The following BAIAP2L2 variants were observed in gnomAD, a reference collection of about 807,000 sequenced individuals.
BAIAP2L2 encodes BAR/IMD domain containing adaptor protein 2 like 2.
A neutral mutation model predicts 60.4 loss-of-function variants in BAIAP2L2; 65 were observed. The observed-to-expected ratio is 1.08, with a 90% CI of 0.88 to 1.32. BAIAP2L2 has a LOEUF of 1.32. BAIAP2L2 is among the 40% of genes most tolerant of loss of function. The pLI is 0.00. For missense variants in BAIAP2L2, 836 were observed against 741.2 expected, an observed-to-expected ratio of 1.13 and a Z score of -1.48; for synonymous variants, 344 against 301.7, an observed-to-expected ratio of 1.14 and a Z score of -1.45.
At chr22:38,087,062 G>A (rs1393269642) in intron 11 of BAIAP2L2, 62 bp downstream of exon 11, 16 of 1,456,022 alleles carry the variant, frequency 1.1e-5, no homozygotes, top group South Asian at 5.6e-5. Flanking sequence ...GATCCTCTCC[G>A]CTGGGCAGTG....
intron 8 of BAIAP2L2, 28 bp downstream of exon 8, chr22:38,089,494 A>G (rs2086225566): frequency 8.5e-7 from 1 of 1,173,108 alleles, no homozygotes; most frequent in Non-Finnish European, 1.1e-6. Context: ...GGGGGCGCGA[A>G]CGGCGGCGGG....
chr22:38,105,079 A>T (rs2086636900), intron 4 of BAIAP2L2, among the ~76,000 whole-genome samples: 1 of 152,186 alleles, frequency 6.6e-6, no homozygotes, highest in South Asian at 2.1e-4. Flanking sequence ...TTACAATAAC[A>T]AACATTTTTT....
rs748895905 is a variant in BAIAP2L2 at position 38,096,137 on chromosome 22, A to G, written c.612+895T>C. On this transcript the variant is annotated intron_variant, in intron 7 of 13. Transcript: ENST00000381669. ...CAAAGAGAAGAGAAAATAGAGCAGT[A>G]TTAATATCAGACAAGGCGGAATTAA... 2.0e-5 allele frequency among the ~76,000 whole-genome samples: 3 copies of G among 152,252 alleles called. No individual in the cohort carries two copies. The South Asian group carries it at 6.2e-4, about 32-fold the overall frequency.
chr22:38,098,024 C>T, intron 6 of BAIAP2L2, 39 bp downstream of exon 6: 4 of 970,792 alleles, frequency 4.1e-6, no homozygotes, highest in South Asian at 1.3e-5. Context: ...TCTGCCCACC[C>T]GCCCTTCCTG....
chr22:38,098,706 C>G (rs1186274088), intron 4 of BAIAP2L2, among the ~76,000 whole-genome samples: 1 of 152,138 alleles, frequency 6.6e-6, no homozygotes, highest in African/African-American at 2.4e-5. Context: ...GGAAACGAAC[C>G]CTTGATAAGT....
At chr22:38,092,480 T>C (rs1028476260) in intron 7 of BAIAP2L2, among the ~76,000 whole-genome samples, 1 of 152,144 alleles carries the variant, frequency 6.6e-6, no homozygotes, top group African/African-American at 2.4e-5. Flanking sequence ...TTTCACCATG[T>C]TGGCCAGGCT....
intron 6 of BAIAP2L2, 22 bp downstream of exon 6, chr22:38,098,041 C>A: frequency 6.5e-7 from 1 of 1,537,304 alleles, no homozygotes. Flanking sequence ...CCTGGCCCAC[C>A]CCCGCTTCCC....
chr22:38,107,911 C>A lies in BAIAP2L2; in HGVS notation c.217G>T (p.Glu73Ter), dbSNP rs1161857867. The change falls in exon 4 of 14, where the codon GAG becomes TAG. Residue 73 changes from glutamate to a stop codon, truncating the protein, a stop_gained and splice_region_variant. Transcript: ENST00000381669. LOFTEE classifies it high-confidence loss of function. ...LQSPTSQILG[E>*]ILVQMSDTQR... ...GTGTCAGACATCTGCACCAAGATCT[C>A]CCCTGGAGGCATGGATGCAGCTGTG... 3 of 1,613,338 alleles carry A rather than the reference C, an allele frequency of 1.9e-6. No individual in the cohort carries two copies. Among genetic ancestry groups the A allele is most frequent in the Admixed American group, 1.7e-5 (1 of 60,008 alleles).
chr22:38,098,784 T>C (rs1027095501), intron 4 of BAIAP2L2, among the ~76,000 whole-genome samples: 6 of 152,218 alleles, frequency 3.9e-5, no homozygotes, highest in Non-Finnish European at 7.3e-5. Context: ...CATCATTCCC[T>C]CTGCCTGGAA....
intron 6 of BAIAP2L2, among the ~76,000 whole-genome samples, chr22:38,097,476 G>T (rs1442000421): frequency 6.6e-6 from 1 of 152,258 alleles, no homozygotes; most frequent in African/African-American, 2.4e-5. Context: ...GGGGGGGCAG[G>T]GGGACGGGTT....
At chr22:38,108,128 C>G (rs2086704937) in intron 3 of BAIAP2L2, 127 bp downstream of exon 3, 1 of 1,042,462 alleles carries the variant, frequency 9.6e-7, no homozygotes, top group African/African-American at 1.6e-5. Context: ...GCCTGGGCCC[C>G]AGAACAAGAG....
chr22:38,103,008 T>C (rs2086596887), intron 4 of BAIAP2L2, among the ~76,000 whole-genome samples: 1 of 149,818 alleles, frequency 6.7e-6, no homozygotes, highest in African/African-American at 2.5e-5. Context: ...ATCACACCAC[T>C]GCACTCCAGC....
At chr22:38,095,677 A>C (rs1188567856) in intron 7 of BAIAP2L2, among the ~76,000 whole-genome samples, 3 of 152,076 alleles carry the variant, frequency 2.0e-5, no homozygotes, top group African/African-American at 7.2e-5. Flanking sequence ...ATTTTTGTGG[A>C]AAGCTTTAAA....
intron 4 of BAIAP2L2, among the ~76,000 whole-genome samples, chr22:38,101,237 A>G (rs2086558892): frequency 6.6e-6 from 1 of 152,006 alleles, no homozygotes; most frequent in African/African-American, 2.4e-5. Flanking sequence ...CAGCAAAATA[A>G]AAAACTTAAG....
At chr22:38,097,304 C>A (rs1340440927) in intron 6 of BAIAP2L2, 126 bp from the exon 7 acceptor site, 21 of 1,041,284 alleles carry the variant, frequency 2.0e-5, no homozygotes, top group Non-Finnish European at 2.8e-5. Context: ...GCCCACCCCC[C>A]ATCACCCGGC....
upstream of BAIAP2L2, chr22:38,110,751 A>AGGCATCCT (rs1569235334): frequency 1.9e-6 from 1 of 537,020 alleles, no homozygotes; most frequent in Admixed American, 3.5e-5. Flanking sequence ...CCGGCAGGGA[A>AGGCATCCT]GGCATCCTGT....
At chr22:38,098,016 T>TACAG in intron 6 of BAIAP2L2, 47 bp downstream of exon 6, 4 of 789,082 alleles carry the variant, frequency 5.1e-6, no homozygotes, top group Non-Finnish European at 8.2e-6. Flanking sequence ...CCCCGAGGTC[T>TACAG]GCCCACCCGC....
At chr22:38,100,186 G>T (rs1021109558) in intron 4 of BAIAP2L2, among the ~76,000 whole-genome samples, 17 of 152,072 alleles carry the variant, frequency 1.1e-4, no homozygotes, top group Admixed American at 1.1e-3. Context: ...GCCGCTTTCC[G>T]CTGGATCCAA....
Position 38,088,878 on chromosome 22 carries a change from G to C in BAIAP2L2, c.988C>G (p.Arg330Gly). ...PGGGGGARRV[R>G]ALVSHSEGAN... ...CCCTCCGAGTGGGAGACCAGGGCGC[G>C]GACTCTCCTGGCGCCCCCGCCGCCG... Residue 330 changes from arginine to glycine, a missense_variant, in exon 10 of 14, where the codon CGC becomes GGC. By Grantham distance (125) the Arg-to-Gly change is moderately radical. Coordinates refer to ENST00000381669, the MANE Select transcript of BAIAP2L2 (RefSeq NM_025045.6). The C allele has an allele frequency of 1.9e-6, 3 of 1,587,872 alleles. No individual in the cohort carries two copies. The highest frequency in any genetic ancestry group is 1.3e-5 in the African/African-American group (1 of 74,798).
Sources: allele counts gnomAD v4.1 joint callset (sites outside exome capture counted in the v4.1 genomes callset), GRCh38; gene constraint gnomAD v4.1.1; transcripts MANE v1.5; gene names NCBI Gene and HGNC (gene_info 2026-07-23, HGNC 2026-07-21).